Variants in RARS1 observed in about 807,000 individuals in gnomAD.
RARS1 encodes arginine--tRNA ligase, cytoplasmic.
Under a neutral mutation model 78.7 loss-of-function variants are expected in RARS1, and 75 were observed. The observed-to-expected ratio is 0.95, with a 90% CI of 0.79 to 1.15. RARS1 has a LOEUF of 1.15. Ranked by LOEUF, RARS1 falls within the 50% of genes most tolerant of loss-of-function variation. RARS1 has a pLI of 0.00. For synonymous variants in RARS1, 273 were observed against 268.2 expected, an observed-to-expected ratio of 1.02 and a Z score of -0.18; for missense variants, 787 against 787.5, an observed-to-expected ratio of 1.00 and a Z score of 0.01.
At position 168,495,420 on chromosome 5, in the gene RARS1, G is replaced by C; in HGVS notation, c.685G>C (p.Gly229Arg). 1 of 1,613,732 alleles carries C rather than the reference G, an allele frequency of 6.2e-7. No individual in the cohort carries two copies. The highest frequency in any genetic ancestry group is 8.5e-7 in the Non-Finnish European group (1 of 1,179,790). The part of the protein sequence containing the change: ...ESISRLFEFA[G>R]YDVLRLNHVG... ...TATAAGCCGCCTCTTTGAATTTGCA[G>C]GGTATGACGTGCTCAGGTATGTGCT... Residue 229 changes from glycine to arginine, a missense_variant, in exon 6 of 15, where the codon GGG becomes CGG. Gly to Arg is a moderately radical substitution (Grantham distance 125). Transcript: ENST00000231572.
Position 168,495,401 on chromosome 5 carries a change from C to T in RARS1, c.666C>T (p.Ser222=). The T allele has an allele frequency of 6.2e-7, 1 of 1,613,920 alleles. No individual in the cohort carries two copies. Among genetic ancestry groups the T allele is most frequent in the Non-Finnish European group, 8.5e-7 (1 of 1,179,892 alleles). The change falls in exon 6 of 15, where the codon AGC becomes AGT. Residue 222 remains serine (S), a synonymous_variant. Transcript: ENST00000231572. ...LRSTIIGESI[S]RLFEFAGYDV... Reference sequence around the variant, plus strand: ...CAACTATCATAGGAGAGAGTATAAGCCGCCTCTTTGAATTTGCAGGGTATG... The same window carrying T: ...CAACTATCATAGGAGAGAGTATAAGTCGCCTCTTTGAATTTGCAGGGTATG...
chr5:168,510,772 T>C, intron 12 of RARS1, 86 bp downstream of exon 12: 4 of 927,466 alleles, frequency 4.3e-6, no homozygotes, highest in Non-Finnish European at 6.5e-6. Flanking sequence ...AGGAGAAGTG[T>C]GAGGAGTCAG....
chr5:168,510,472 A>T, intron 11 of RARS1, 109 bp from the exon 12 acceptor site: 1 of 782,714 alleles, frequency 1.3e-6, no homozygotes, highest in Non-Finnish European at 2.1e-6. Flanking sequence ...TTAGAGATTT[A>T]AAACATATGT....
intron 1 of RARS1, chr5:168,488,094 C>A: frequency 3.3e-6 from 1 of 299,654 alleles, no homozygotes; most frequent in Non-Finnish European, 6.6e-6. Flanking sequence ...TCCTGTCTCC[C>A]AAAACACATG....
At chr5:168,507,973 C>T (rs1213801407) in intron 11 of RARS1, among the ~76,000 whole-genome samples, 2 of 151,448 alleles carry the variant, frequency 1.3e-5, no homozygotes, top group East Asian at 1.9e-4. Context: ...TACAGTGAGG[C>T]GAGATCATAT....
At chr5:168,502,384 A>ATATATT (rs1280220276) in intron 9 of RARS1, among the ~76,000 whole-genome samples, 4 of 127,234 alleles carry the variant, frequency 3.1e-5, no homozygotes, top group African/African-American at 1.3e-4. Flanking sequence ...ATATATATAT[A>ATATATT]TTTTTTTTTT....
chr5:168,492,970 T>A (rs1758117327), intron 3 of RARS1, 123 bp downstream of exon 3: 5 of 975,962 alleles, frequency 5.1e-6, no homozygotes, highest in Middle Eastern at 2.5e-4. Flanking sequence ...TGCCACAGTT[T>A]GAAAAACTTG....
At chr5:168,490,397 G>C (rs6898877) in intron 2 of RARS1, among the ~76,000 whole-genome samples, 5,432 of 152,132 alleles carry the variant, frequency 0.036, 304 homozygotes, top group African/African-American at 0.12. Context: ...CGAACTCCTC[G>C]CCTCAAGTAA....
In RARS1 at chr5:168,492,724, G is replaced by T. The variant is rs1222370289; in HGVS notation, c.246G>T (p.Glu82Asp). 1 of 1,612,856 alleles carries T rather than the reference G, an allele frequency of 6.2e-7. No homozygotes were observed. Among genetic ancestry groups the T allele is most frequent in the South Asian group, 1.1e-5 (1 of 91,046 alleles). The change falls in exon 3 of 15, where the codon GAG (glutamate) becomes GAT (aspartate). Residue 82 changes from glutamate to aspartate, a missense_variant. Glu to Asp is a conservative substitution (Grantham distance 45). Transcript: ENST00000231572. ...TTAACATTATTAGCCGCCTACAAGA[G>T]GTCTTTGGTCATGCAATTAAGGCTG... ...NMINIISRLQEVFGHAIKAAY... is the reference protein window; with the variant it reads ...NMINIISRLQDVFGHAIKAAY...
chr5:168,489,389 T>A lies in RARS1; in HGVS notation c.180+653T>A, dbSNP rs73314824. Among the ~76,000 whole-genome samples, 1,335 of 152,340 alleles carry A rather than the reference T, an allele frequency of 8.8e-3. 12 individuals carry two copies. Among genetic ancestry groups the A allele is most frequent in the African/African-American group, 0.029 (1,194 of 41,572 alleles). On this transcript the variant is annotated intron_variant, in intron 2 of 14. Transcript: ENST00000231572. ...TAAAAAAACATGTTTGATTTTTAAATCATTGCCTCTATCATAAAGGAAATA... is the reference window on the plus strand; with the variant it reads ...TAAAAAAACATGTTTGATTTTTAAAACATTGCCTCTATCATAAAGGAAATA...
chr5:168,497,370 A>T, intron 7 of RARS1, 22 bp downstream of exon 7: 1 of 1,508,838 alleles, frequency 6.6e-7, no homozygotes, highest in Non-Finnish European at 8.9e-7. Context: ...TTTCTTTTAT[A>T]TTATGTGTGT....
At chr5:168,501,891 T>A in intron 8 of RARS1, 110 bp from the exon 9 acceptor site, 3 of 1,411,208 alleles carry the variant, frequency 2.1e-6, no homozygotes, top group Admixed American at 5.9e-5. Flanking sequence ...TGTAATTAAT[T>A]TCCTTTTAAT....
intron 8 of RARS1, among the ~76,000 whole-genome samples, chr5:168,501,739 A>G (rs900528623): frequency 1.3e-5 from 2 of 152,046 alleles, no homozygotes; most frequent in Non-Finnish European, 2.9e-5. Flanking sequence ...TAATAATAAA[A>G]AGAAAGTAAA....
At chr5:168,488,194 C>T in intron 1 of RARS1, 1 of 385,902 alleles carries the variant, frequency 2.6e-6, no homozygotes, top group Non-Finnish European at 5.1e-6. Flanking sequence ...GTGGCACGAT[C>T]TCGACTCACC....
Position 168,506,053 on chromosome 5 carries a change from G to T in RARS1, c.1090G>T (p.Val364Leu). 1 of 1,606,100 alleles carries T rather than the reference G, an allele frequency of 6.2e-7. No homozygotes were observed. The highest frequency in any genetic ancestry group is 8.5e-7 in the Non-Finnish European group (1 of 1,177,226). Reference protein sequence around the residue: ...FVQVDDGRKIVFVPGCSIPLT... With the variant: ...FVQVDDGRKILFVPGCSIPLT... ...GCAGGTGGATGATGGCAGAAAGATT[G>T]TATTTGTCCCAGGGTGTTCCATACC... is the stretch of plus-strand genomic sequence containing the variant. The change falls in exon 10 of 15, where the codon GTA becomes TTA. Residue 364 changes from valine (V) to leucine (L), a missense_variant. Transcript: ENST00000231572.
chr5:168,492,151 A>T (rs1758100424), intron 2 of RARS1, among the ~76,000 whole-genome samples: 1 of 152,162 alleles, frequency 6.6e-6, no homozygotes, highest in Admixed American at 6.5e-5. Flanking sequence ...TCCATGGGAA[A>T]ACAGGAGGTA....
chr5:168,501,647 C>T (rs575653129), intron 8 of RARS1, among the ~76,000 whole-genome samples: 17 of 152,144 alleles, frequency 1.1e-4, no homozygotes, highest in South Asian at 4.1e-4. Flanking sequence ...CGCTTGAACC[C>T]GGGAGGCGGA....
At chr5:168,515,897 T>A (rs1758657352) in intron 12 of RARS1, among the ~76,000 whole-genome samples, 1 of 152,234 alleles carries the variant, frequency 6.6e-6, no homozygotes, top group South Asian at 2.1e-4. Flanking sequence ...AGAAATGTGT[T>A]CACAGAGTCT....
chr5:168,491,539 A>AATT (rs1432881898), intron 2 of RARS1, among the ~76,000 whole-genome samples: 1 of 152,190 alleles, frequency 6.6e-6, no homozygotes, highest in Non-Finnish European at 1.5e-5. Context: ...TTAAGAATAT[A>AATT]ATTTCTTCAT....
Sources: allele counts gnomAD v4.1 joint callset (sites outside exome capture counted in the v4.1 genomes callset), GRCh38; gene constraint gnomAD v4.1.1; transcripts MANE v1.5; gene names NCBI Gene and HGNC (gene_info 2026-07-23, HGNC 2026-07-21).